Variants in COL22A1 observed in about 807,000 individuals in gnomAD.
COL22A1 encodes collagen type XXII alpha 1 chain.
Under a neutral mutation model 248.9 loss-of-function variants are expected in COL22A1, and 221 were observed. The observed-to-expected ratio is 0.89, with a 90% CI of 0.80 to 0.99. The LOEUF is 0.99. Among genes scored for constraint, COL22A1 ranks in the 50% least tolerant of loss-of-function variants. The probability of loss-of-function intolerance (pLI) is 0.00; values close to 1 mark genes in which losing one functional copy is unlikely to be tolerated. For missense variants in COL22A1, 2,240 were observed against 2,179.0 expected, an observed-to-expected ratio of 1.03 and a Z score of -0.56; for synonymous variants, 891 against 793.4, an observed-to-expected ratio of 1.12 and a Z score of -2.07.
rs766708682 is a variant in COL22A1, at chr8:138,755,776, C to T, written c.1947+9G>A. 1 of 1,614,026 alleles carries T rather than the reference C, an allele frequency of 6.2e-7. No individual in the cohort carries two copies. The highest frequency in any genetic ancestry group is 8.5e-7 in the Non-Finnish European group (1 of 1,179,876). On this transcript the variant is annotated intron_variant, in intron 19 of 64. Coordinates refer to ENST00000303045, the MANE Select transcript of COL22A1 (RefSeq NM_152888.3). Reference sequence around the variant, plus strand: ...CCTGCATCCATGATTCCAACCACTGCTGACTCACCACTGAGCCTGGTACAC... The same window carrying T: ...CCTGCATCCATGATTCCAACCACTGTTGACTCACCACTGAGCCTGGTACAC...
intron 10 of COL22A1, among the ~76,000 whole-genome samples, chr8:138,805,507 TG>T (rs1817477068): frequency 1.7e-5 from 2 of 114,768 alleles, no homozygotes; most frequent in African/African-American, 4.3e-5. Context: ...GTGTGTGTGA[TG>T]GTGTGTGTGT....
chr8:138,843,596 A>C (rs1228836565), intron 4 of COL22A1, among the ~76,000 whole-genome samples: 1 of 152,162 alleles, frequency 6.6e-6, no homozygotes, highest in Non-Finnish European at 1.5e-5. Context: ...GCAGCCTTCT[A>C]TTCTGTCATA....
intron 3 of COL22A1, among the ~76,000 whole-genome samples, chr8:138,865,442 G>A (rs554237729): frequency 6.6e-6 from 1 of 151,636 alleles, no homozygotes; most frequent in Non-Finnish European, 1.5e-5. Flanking sequence ...TGGTGTGTTT[G>A]TATGCCTGTG....
intron 4 of COL22A1, among the ~76,000 whole-genome samples, chr8:138,834,218 C>T (rs1563824681): frequency 6.6e-6 from 1 of 152,040 alleles, no homozygotes; most frequent in Non-Finnish European, 1.5e-5. Context: ...AGGCAGGCAC[C>T]AGGCTGAACT....
chr8:138,631,457 A>G (rs557626331), intron 49 of COL22A1, among the ~76,000 whole-genome samples: 1 of 152,290 alleles, frequency 6.6e-6, no homozygotes, highest in African/African-American at 2.4e-5. Flanking sequence ...TTTTCAGCTA[A>G]TATCAGGCAA....
intron 41 of COL22A1, among the ~76,000 whole-genome samples, chr8:138,674,340 G>A (rs1825320053): frequency 6.6e-6 from 1 of 152,092 alleles, no homozygotes; most frequent in East Asian, 1.9e-4. Context: ...CCCCCACGCT[G>A]ACCCCTTCTT....
chr8:138,623,739 C>T lies in COL22A1; in HGVS notation c.3764G>A (p.Gly1255Glu). The part of the protein sequence containing the change: ...EGRDGKPGPP[G>E]EPGKAGEPGL... The stretch of plus-strand genomic sequence containing the variant: ...AAGTTTAGAGTCCTTTACCGGCTCT[C>T]CAGGGGGACCCGGCTTTCCATCTCT... Residue 1255 changes from glycine to glutamate, a missense_variant, in exon 52 of 65, where the codon GGA (glycine) becomes GAA (glutamate). Transcript: ENST00000303045. 4 of 1,612,186 alleles carry T rather than the reference C, an allele frequency of 2.5e-6. No individual in the cohort carries two copies. Among genetic ancestry groups the T allele is most frequent in the Non-Finnish European group, 3.4e-6 (4 of 1,179,290 alleles).
intron 27 of COL22A1, among the ~76,000 whole-genome samples, chr8:138,719,741 T>C (rs1324903709): frequency 6.6e-6 from 1 of 152,196 alleles, no homozygotes; most frequent in East Asian, 1.9e-4. Flanking sequence ...TCCTGTGCTC[T>C]GGCTGGGCTG....
At chr8:138,601,361 G>A (rs1440260670) in intron 60 of COL22A1, among the ~76,000 whole-genome samples, 2 of 152,036 alleles carry the variant, frequency 1.3e-5, no homozygotes, top group Non-Finnish European at 2.9e-5. Flanking sequence ...GAAGCCAGCC[G>A]GCTCCCCACC....
chr8:138,683,110 C>A (rs527806008), intron 39 of COL22A1, among the ~76,000 whole-genome samples: 1 of 152,196 alleles, frequency 6.6e-6, no homozygotes, highest in Non-Finnish European at 1.5e-5. Flanking sequence ...CTGAGCTACC[C>A]TCTCTCCTAG....
chr8:138,669,671 C>T (rs1253848840), intron 41 of COL22A1, among the ~76,000 whole-genome samples: 2 of 152,148 alleles, frequency 1.3e-5, no homozygotes, highest in Non-Finnish European at 2.9e-5. Context: ...AACCTGGAGA[C>T]AGTAATAGTT....
At chr8:138,654,844 T>A (rs1587776372) in intron 45 of COL22A1, among the ~76,000 whole-genome samples, 1 of 152,162 alleles carries the variant, frequency 6.6e-6, no homozygotes, top group East Asian at 1.9e-4. Flanking sequence ...GACCTTTTCC[T>A]CTCGTGGGAA....
At chr8:138,723,440 T>C (rs772857060) in intron 25 of COL22A1, among the ~76,000 whole-genome samples, 3 of 152,192 alleles carry the variant, frequency 2.0e-5, no homozygotes, top group Non-Finnish European at 4.4e-5. Flanking sequence ...AAGCTGTGCT[T>C]CAAACCTTCT....
chr8:138,756,491 G>A (rs185716239), intron 18 of COL22A1, among the ~76,000 whole-genome samples: 1 of 152,230 alleles, frequency 6.6e-6, no homozygotes, highest in Non-Finnish European at 1.5e-5. Context: ...AAAATCTTTA[G>A]TATTATTTCT....
intron 7 of COL22A1, among the ~76,000 whole-genome samples, chr8:138,819,139 C>A (rs1457421027): frequency 6.6e-6 from 1 of 152,170 alleles, no homozygotes; most frequent in African/African-American, 2.4e-5. Flanking sequence ...GTTAACAAAG[C>A]AAGTTATGAC....
chr8:138,698,895 A>G (rs904759692), intron 32 of COL22A1, among the ~76,000 whole-genome samples: 4 of 152,236 alleles, frequency 2.6e-5, no homozygotes, highest in Non-Finnish European at 5.9e-5. Flanking sequence ...AGAGTTATAA[A>G]TGTTTTATGT....
At chr8:138,909,106 G>T (rs1264044938) in intron 1 of COL22A1, among the ~76,000 whole-genome samples, 2 of 152,226 alleles carry the variant, frequency 1.3e-5, no homozygotes, top group Non-Finnish European at 2.9e-5. Flanking sequence ...AACTATATGT[G>T]ATCACCCTTA....
intron 3 of COL22A1, among the ~76,000 whole-genome samples, chr8:138,869,543 G>A (rs1406974071): frequency 6.6e-6 from 1 of 152,208 alleles, no homozygotes; most frequent in Non-Finnish European, 1.5e-5. Flanking sequence ...TCCAGGCTTA[G>A]GTCTGGCTGG....
intron 27 of COL22A1, among the ~76,000 whole-genome samples, chr8:138,717,651 G>A (rs1029266875): frequency 2.6e-5 from 4 of 152,100 alleles, no homozygotes; most frequent in Non-Finnish European, 5.9e-5. Context: ...ATTCTGTAGA[G>A]AAAGAGTCTC....
Sources: gnomAD v4.1 joint callset for allele counts (sites outside exome capture counted in the v4.1 genomes callset) on GRCh38, gnomAD v4.1.1 for gene constraint, MANE v1.5 for transcripts, NCBI Gene and HGNC (gene_info 2026-07-23, HGNC 2026-07-21) for gene names.